Variants in FNDC3B observed in about 807,000 individuals in gnomAD.
The protein encoded by FNDC3B is fibronectin type III domain-containing protein 3B.
FNDC3B carries 12 observed loss-of-function variants against 151.5 expected under a neutral mutation model. The observed-to-expected ratio is 0.08, with a 90% CI of 0.05 to 0.13. The LOEUF (loss-of-function observed/expected upper bound fraction) is 0.13, where lower values mean the gene tolerates loss of function less well. Ranked by LOEUF, FNDC3B falls within the 10% of genes least tolerant of loss-of-function variation. FNDC3B has a pLI of 1.00. For synonymous variants in FNDC3B, 528 were observed against 549.0 expected, an observed-to-expected ratio of 0.96 and a Z score of 0.54; for missense variants, 1,214 against 1,505.3, an observed-to-expected ratio of 0.81 and a Z score of 3.20.
chr3:172,253,149 T>G (rs1410275143), intron 6 of FNDC3B, among the ~76,000 whole-genome samples: 1 of 152,230 alleles, frequency 6.6e-6, no homozygotes, highest in Admixed American at 6.5e-5. Flanking sequence ...TTTAATAATT[T>G]TCACCTTGCC....
chr3:172,111,785 G>T (rs1188265193), intron 1 of FNDC3B, among the ~76,000 whole-genome samples: 1 of 152,082 alleles, frequency 6.6e-6, no homozygotes, highest in Non-Finnish European at 1.5e-5. Flanking sequence ...AGTATTAAAG[G>T]GTTCATTGAC....
intron 1 of FNDC3B, among the ~76,000 whole-genome samples, chr3:172,093,521 A>G (rs192449418): frequency 1.6e-4 from 25 of 151,900 alleles, no homozygotes; most frequent in Non-Finnish European, 2.8e-4. Flanking sequence ...GCCTCCCAAA[A>G]TGCTGGGATT....
chr3:172,086,977 G>C (rs1718577400), intron 1 of FNDC3B, among the ~76,000 whole-genome samples: 1 of 152,190 alleles, frequency 6.6e-6, no homozygotes, highest in African/African-American at 2.4e-5. Flanking sequence ...ACCACAGGTG[G>C]TGAGTTCCTG....
chr3:172,316,428 A>C lies in FNDC3B; in HGVS notation c.1254+5547A>C, dbSNP rs554824427. 3,000 of 456,124 alleles carry C rather than the reference A, an allele frequency of 6.6e-3. 72 individuals carry two copies. The highest frequency in any genetic ancestry group is 0.054 in the African/African-American group (2,723 of 50,138). 28.3% of individuals were successfully genotyped at this position (456,124 alleles called of 1,614,324 possible). A position where few individuals can be genotyped will look rare whatever the true frequency, so the allele number is the denominator to read the frequency against. Reference sequence around the variant, plus strand: ...GGGAAGGGCTTTTAGGAAAAAAAAAACTAGGAACCTCTGGGTTGAGTCATT... The same window carrying C: ...GGGAAGGGCTTTTAGGAAAAAAAAACCTAGGAACCTCTGGGTTGAGTCATT... On this transcript the variant is annotated intron_variant, in intron 11 of 25. Coordinates refer to ENST00000415807, the MANE Select transcript of FNDC3B (RefSeq NM_022763.4).
intron 2 of FNDC3B, among the ~76,000 whole-genome samples, chr3:172,117,566 G>T (rs1313956660): frequency 6.6e-6 from 1 of 152,196 alleles, no homozygotes; most frequent in African/African-American, 2.4e-5. Context: ...AAACAGAAGT[G>T]TCGACATAGG....
intron 11 of FNDC3B, among the ~76,000 whole-genome samples, chr3:172,316,089 C>A (rs1431852557): frequency 2.1e-5 from 3 of 145,754 alleles, no homozygotes; most frequent in Non-Finnish European, 4.5e-5. Context: ...CTCACTGCAA[C>A]CTCTGTCTCT....
Position 172,128,682 on chromosome 3 carries a change from G to T in FNDC3B, c.112-4789G>T, listed in dbSNP as rs558087019. 1.8e-3 allele frequency among the ~76,000 whole-genome samples: 279 copies of T among 152,292 alleles called. 4 individuals are homozygous for T. Among genetic ancestry groups the T allele is most frequent in the South Asian group, 0.015 (74 of 4,830 alleles). Reference sequence around the variant, plus strand: ...CTTTTGAAGTTATTAGGTATTCCTGGCTAGAATCCTTAGTTGCGTGGAACT... The same window carrying T: ...CTTTTGAAGTTATTAGGTATTCCTGTCTAGAATCCTTAGTTGCGTGGAACT... On this transcript the variant is annotated intron_variant, in intron 2 of 25. Transcript: ENST00000415807.
At chr3:172,154,250 T>G (rs1369099919) in intron 3 of FNDC3B, among the ~76,000 whole-genome samples, 1 of 152,102 alleles carries the variant, frequency 6.6e-6, no homozygotes, top group Non-Finnish European at 1.5e-5. Flanking sequence ...AGAGTCTTGC[T>G]CTGTCACCAG....
chr3:172,179,910 G>T (rs1353965290), intron 3 of FNDC3B, among the ~76,000 whole-genome samples: 2 of 149,802 alleles, frequency 1.3e-5, no homozygotes, highest in Admixed American at 1.3e-4. Context: ...AATTTTACTG[G>T]GCCTTAGTTT....
chr3:172,278,729 C>G (rs6800129), intron 6 of FNDC3B, among the ~76,000 whole-genome samples: 30,923 of 151,988 alleles, frequency 0.2, 3,238 homozygotes, highest in East Asian at 0.32. Flanking sequence ...GAGTTTGAGA[C>G]CAGCCTGGCC....
chr3:172,100,210 G>A (rs4894806), intron 1 of FNDC3B, among the ~76,000 whole-genome samples: 73,361 of 152,046 alleles, frequency 0.48, 19,403 homozygotes, highest in Admixed American at 0.59. Flanking sequence ...CTTCAGCACA[G>A]AAGAGTGTCT....
chr3:172,349,875 C>T lies in FNDC3B; in HGVS notation c.2514+2514C>T, dbSNP rs544458625. On this transcript the variant is annotated intron_variant, in intron 21 of 25. Transcript: ENST00000415807. ...TTCACCAGGTTGGCCAGGCTGGTCT[C>T]GAACTCCCGACCTCAGATGATCCAC... 3.3e-5 allele frequency among the ~76,000 whole-genome samples: 5 copies of T among 152,120 alleles called. No homozygotes were observed. The East Asian group carries it at 9.7e-4, about 29-fold the overall frequency.
At chr3:172,358,640 CAAA>C (rs905018169) in intron 22 of FNDC3B, among the ~76,000 whole-genome samples, 2 of 152,222 alleles carry the variant, frequency 1.3e-5, no homozygotes, top group Non-Finnish European at 2.9e-5. Context: ...GTGACACTCT[CAAA>C]GAAGTCATCA....
rs9817278 is a variant in FNDC3B, at chr3:172,316,110, C to A, written c.1254+5229C>A. ...GCAACCTCTGTCTCTCAGGTTCAAG[C>A]GATTCCCCTGCCTCGGCCACTCGAG... On this transcript the variant is annotated intron_variant, in intron 11 of 25. Transcript: ENST00000415807. 1.3e-4 allele frequency among the ~76,000 whole-genome samples: 19 copies of A among 148,206 alleles called. No individual in the cohort carries two copies. In the Admixed American group the frequency reaches 1.3e-3, roughly 10 times the overall value.
chr3:172,061,283 A>G (rs1717183711), intron 1 of FNDC3B, among the ~76,000 whole-genome samples: 1 of 148,806 alleles, frequency 6.7e-6, no homozygotes, highest in African/African-American at 2.5e-5. Flanking sequence ...CCCAGGCTAG[A>G]GTGCAGTGGC....
intron 6 of FNDC3B, among the ~76,000 whole-genome samples, chr3:172,264,796 G>C (rs62281817): frequency 6.6e-6 from 1 of 152,050 alleles, no homozygotes; most frequent in African/African-American, 2.4e-5. Context: ...TTCAATAATT[G>C]CTCTTATTTT....
chr3:172,275,073 G>A (rs188029492), intron 6 of FNDC3B, among the ~76,000 whole-genome samples: 14 of 152,112 alleles, frequency 9.2e-5, no homozygotes, highest in African/African-American at 2.7e-4. Context: ...CTAAATGGCC[G>A]CTTTTGCTCA....
intron 3 of FNDC3B, among the ~76,000 whole-genome samples, chr3:172,193,175 G>A (rs796306724): frequency 2.6e-4 from 8 of 30,666 alleles, no homozygotes; most frequent in African/African-American, 1.0e-3. Context: ...CCTCATTCCC[G>A]CCCTTCCTCT....
intron 6 of FNDC3B, among the ~76,000 whole-genome samples, chr3:172,255,884 TC>T (rs1166085265): frequency 6.6e-5 from 10 of 152,200 alleles, no homozygotes; most frequent in Non-Finnish European, 1.5e-4. Flanking sequence ...TTTCTCATGG[TC>T]CCTGGTGTCT....
Sources: allele counts gnomAD v4.1 joint callset (sites outside exome capture counted in the v4.1 genomes callset), GRCh38; gene constraint gnomAD v4.1.1; transcripts MANE v1.5; gene names NCBI Gene and HGNC (gene_info 2026-07-23, HGNC 2026-07-21).